CNTN5: variants seen among roughly 807,000 people sequenced by gnomAD.
CNTN5 encodes the protein contactin-5.
A neutral mutation model predicts 129.1 loss-of-function variants in CNTN5; 77 were observed. That is an observed-to-expected ratio of 0.60 (90% CI 0.50 to 0.72). The LOEUF is 0.72. Ranked by LOEUF, CNTN5 falls within the 30% of genes least tolerant of loss-of-function variation. The probability of loss-of-function intolerance (pLI) is 0.00; values close to 1 mark genes in which losing one functional copy is unlikely to be tolerated. For synonymous variants in CNTN5, 509 were observed against 465.6 expected, an observed-to-expected ratio of 1.09 and a Z score of -1.20; for missense variants, 1,478 against 1,328.8, an observed-to-expected ratio of 1.11 and a Z score of -1.75.
intron 7 of CNTN5, among the ~76,000 whole-genome samples, chr11:99,916,434 A>C (rs576418116): frequency 6.6e-6 from 1 of 152,266 alleles, no homozygotes; most frequent in South Asian, 2.1e-4. Flanking sequence ...AGCACAAAGG[A>C]AGCGATAAAC....
chr11:99,850,304 T>C (rs954507006), intron 6 of CNTN5, among the ~76,000 whole-genome samples: 3 of 152,156 alleles, frequency 2.0e-5, no homozygotes, highest in Non-Finnish European at 2.9e-5. Flanking sequence ...CTAAATGAAT[T>C]TGAGACAGGA....
intron 7 of CNTN5, among the ~76,000 whole-genome samples, chr11:99,926,188 G>C (rs889401084): frequency 6.6e-6 from 1 of 152,094 alleles, no homozygotes; most frequent in Non-Finnish European, 1.5e-5. Context: ...TTTTGAGAAA[G>C]GGGTTGCCTT....
chr11:100,011,373 AAAC>A (rs148277454), intron 9 of CNTN5, among the ~76,000 whole-genome samples: 4,523 of 152,252 alleles, frequency 0.03, 233 homozygotes, highest in African/African-American at 0.1. Flanking sequence ...AAACGCTACA[AAAC>A]AACATCAGTT....
chr11:100,113,464 A>AAAAGAAAAAG (rs1428399399), intron 13 of CNTN5, among the ~76,000 whole-genome samples: 2 of 148,132 alleles, frequency 1.4e-5, no homozygotes, highest in African/African-American at 5.0e-5. Context: ...CAAGAAAGAA[A>AAAAGAAAAAG]AAAGAAAAAG....
At position 99,116,405 on chromosome 11, in the gene CNTN5, A is replaced by C. The variant is rs539852561; in HGVS notation, c.-210+95135A>C. Among the ~76,000 whole-genome samples the C allele has an allele frequency of 1.4e-4, 21 of 152,238 alleles. No individual in the cohort carries two copies. In the South Asian group the frequency reaches 4.4e-3, roughly 32 times the overall value. ...TCCTAGTAGTAACTTTTCATTTTGG[A>C]GATATCTGCACTTAAATTATTACTT... On this transcript the variant is annotated intron_variant, in intron 1 of 24. Transcript: ENST00000524871.
Position 99,216,011 on chromosome 11 carries a change from T to C in CNTN5, c.-209-109335T>C, listed in dbSNP as rs1010277351. Among the ~76,000 whole-genome samples the C allele has an allele frequency of 4.6e-5, 7 of 152,330 alleles. No individual in the cohort carries two copies. The East Asian group carries it at 7.7e-4, about 17-fold the overall frequency. ...ACCTCAAGCATTTATCATGTATCTG[T>C]TACAGAAACACTGCAATATCATTCT... On this transcript the variant is annotated intron_variant, in intron 1 of 24. Coordinates refer to ENST00000524871, the MANE Select transcript of CNTN5 (RefSeq NM_014361.4).
intron 2 of CNTN5, among the ~76,000 whole-genome samples, chr11:99,514,114 C>T (rs769772341): frequency 1.3e-5 from 2 of 151,894 alleles, no homozygotes; most frequent in African/African-American, 4.8e-5. Context: ...TTTTAGGGGT[C>T]CAAGACTTCG....
At chr11:100,038,218 G>C (rs747418966) in intron 9 of CNTN5, among the ~76,000 whole-genome samples, 5 of 151,896 alleles carry the variant, frequency 3.3e-5, no homozygotes, top group African/African-American at 1.2e-4. Context: ...CCTTCATTTC[G>C]TTATGTACCC....
chr11:99,962,875 T>C (rs1023154568), intron 8 of CNTN5, among the ~76,000 whole-genome samples: 11 of 150,628 alleles, frequency 7.3e-5, no homozygotes, highest in Non-Finnish European at 1.0e-4. Flanking sequence ...TGATATCTCA[T>C]TGTGGTTTTG....
chr11:99,391,997 T>A (rs966360023), intron 2 of CNTN5, among the ~76,000 whole-genome samples: 11 of 151,890 alleles, frequency 7.2e-5, no homozygotes, highest in African/African-American at 2.7e-4. Context: ...AGTAAAATAC[T>A]CACAATGCTG....
rs548530197 is a variant in CNTN5 at position 100,166,315 on chromosome 11, T to C, written c.1581-24811T>C. 7.2e-5 allele frequency among the ~76,000 whole-genome samples: 11 copies of C among 151,868 alleles called. No individual in the cohort carries two copies. In the South Asian group the frequency reaches 2.3e-3, roughly 31 times the overall value. On this transcript the variant is annotated intron_variant, in intron 13 of 24. Coordinates refer to ENST00000524871, the MANE Select transcript of CNTN5 (RefSeq NM_014361.4). Reference sequence around the variant, plus strand: ...TTATTACAAATTTTACAATAATAGTTTAGTAGATGATTACTGCCCCCGGCA... The same window carrying C: ...TTATTACAAATTTTACAATAATAGTCTAGTAGATGATTACTGCCCCCGGCA...
At chr11:100,093,590 C>T (rs1233351904) in intron 13 of CNTN5, among the ~76,000 whole-genome samples, 16 of 151,992 alleles carry the variant, frequency 1.1e-4, no homozygotes, top group African/African-American at 2.9e-4. Context: ...TTCAGGTGCA[C>T]ACCCCTATTT....
chr11:99,244,927 C>T lies in CNTN5; in HGVS notation c.-209-80419C>T, dbSNP rs114780325. The stretch of plus-strand genomic sequence containing the variant: ...ATGAAAGGATAGTATTGAGTTACTA[C>T]GTTACATTCAGCAAATATTGATTGA... On this transcript the variant is annotated intron_variant, in intron 1 of 24. Transcript: ENST00000524871. Among the ~76,000 whole-genome samples, 897 of 152,252 alleles carry T rather than the reference C, an allele frequency of 5.9e-3. 13 individuals carry two copies. Among genetic ancestry groups the T allele is most frequent in the African/African-American group, 0.02 (847 of 41,550 alleles).
chr11:100,259,394 G>T (rs996106193), intron 17 of CNTN5, among the ~76,000 whole-genome samples: 1 of 152,074 alleles, frequency 6.6e-6, no homozygotes, highest in African/African-American at 2.4e-5. Flanking sequence ...GAACAAGACA[G>T]AGAATTAACA....
intron 3 of CNTN5, among the ~76,000 whole-genome samples, chr11:99,666,986 A>G (rs1298865941): frequency 6.6e-6 from 1 of 152,036 alleles, no homozygotes; most frequent in Non-Finnish European, 1.5e-5. Context: ...AAGTAATTCT[A>G]ATAATAGAAT....
intron 17 of CNTN5, among the ~76,000 whole-genome samples, chr11:100,259,865 A>G (rs1487734072): frequency 6.6e-6 from 1 of 151,996 alleles, no homozygotes; most frequent in African/African-American, 2.4e-5. Context: ...ATTCAACACC[A>G]TAAAATCACA....
chr11:99,635,335 T>G (rs1206687200), intron 3 of CNTN5, among the ~76,000 whole-genome samples: 1 of 152,188 alleles, frequency 6.6e-6, no homozygotes, highest in African/African-American at 2.4e-5. Flanking sequence ...AGTTAAATTC[T>G]TTGAGGCCCA....
chr11:99,944,810 A>C (rs12797403), intron 7 of CNTN5, among the ~76,000 whole-genome samples: 38,972 of 152,032 alleles, frequency 0.26, 6,084 homozygotes, highest in Non-Finnish European at 0.34. Context: ...TACAAGGGAC[A>C]TGAAGGGACC....
At chr11:100,306,151 G>A (rs1951344334) in intron 20 of CNTN5, among the ~76,000 whole-genome samples, 1 of 151,546 alleles carries the variant, frequency 6.6e-6, no homozygotes, top group Admixed American at 6.6e-5. Context: ...ATAACATGCA[G>A]CTCCCCAAAA....
Sources: gnomAD v4.1 joint callset for allele counts (sites outside exome capture counted in the v4.1 genomes callset) on GRCh38, gnomAD v4.1.1 for gene constraint, MANE v1.5 for transcripts, NCBI Gene and HGNC (gene_info 2026-07-23, HGNC 2026-07-21) for gene names.